SFMBT1: variants seen among roughly 807,000 people sequenced by gnomAD.
SFMBT1 encodes the protein scm-like with four MBT domains protein 1.
In SFMBT1, 32 loss-of-function variants were observed where a neutral mutation model predicts 108.7. That is an observed-to-expected ratio of 0.29 (90% CI 0.22 to 0.40). SFMBT1 has a LOEUF of 0.40. Among genes scored for constraint, SFMBT1 ranks in the 10% least tolerant of loss-of-function variants. The pLI is 1.00. For synonymous variants in SFMBT1, 348 were observed against 369.5 expected (o/e 0.94, Z 0.67); for missense variants, 816 against 1,059.6 (o/e 0.77, Z 3.19).
At chr3:52,976,683 G>GA (rs1360619582) in intron 1 of SFMBT1, among the ~76,000 whole-genome samples, 1 of 151,604 alleles carries the variant, frequency 6.6e-6, no homozygotes, top group Non-Finnish European at 1.5e-5. Context: ...ACAAGCTACA[G>GA]AAAAAAAACT....
chr3:52,922,259 C>G (rs560541833), intron 10 of SFMBT1, among the ~76,000 whole-genome samples: 3 of 152,248 alleles, frequency 2.0e-5, no homozygotes, highest in Middle Eastern at 3.4e-3. Context: ...CCTATCATAC[C>G]ACAAACTGCC....
intron 6 of SFMBT1, 123 bp from the exon 7 acceptor site, chr3:52,931,158 C>T: frequency 1.3e-6 from 1 of 762,432 alleles, no homozygotes; most frequent in African/African-American, 1.7e-5. Context: ...GGGTTCAAGC[C>T]CACTTATATC....
intron 1 of SFMBT1, among the ~76,000 whole-genome samples, chr3:53,012,001 G>A (rs559262697): frequency 4.6e-5 from 7 of 152,166 alleles, no homozygotes; most frequent in Non-Finnish European, 1.0e-4. Context: ...AAAAAGAGAG[G>A]TAGGAACTAA....
intron 1 of SFMBT1, among the ~76,000 whole-genome samples, chr3:53,022,939 A>G (rs188937860): frequency 6.6e-6 from 1 of 152,336 alleles, no homozygotes; most frequent in African/African-American, 2.4e-5. Flanking sequence ...TAATACCACT[A>G]AACTATACAC....
At position 52,943,259 on chromosome 3, in the gene SFMBT1, T is replaced by C; in HGVS notation, c.364+94A>G. The stretch of plus-strand genomic sequence containing the variant: ...AACCTAGAAAAGCTGGGTAAACCTA[T>C]ATGCTCGAGAGACTTAAAACCTCAA... On this transcript the variant is annotated intron_variant, in intron 4 of 20. Coordinates refer to ENST00000394752, the MANE Select transcript of SFMBT1 (RefSeq NM_016329.4). 2.0e-6 allele frequency: 3 copies of C among 1,487,384 alleles called. No homozygotes were observed. In the East Asian group the frequency reaches 6.8e-5, roughly 34 times the overall value. The allele number at this position is 1,487,384 out of a possible 1,614,324, so 92.1% of individuals were successfully genotyped here. A position where few individuals can be genotyped will look rare whatever the true frequency, so the allele number is the denominator to read the frequency against.
intron 11 of SFMBT1, 51 bp from the exon 12 acceptor site, chr3:52,920,701 A>G (rs1297849059): frequency 8.9e-7 from 1 of 1,127,038 alleles, no homozygotes; most frequent in Admixed American, 2.1e-5. Flanking sequence ...CTTTTTTTAG[A>G]CCATTAAATA....
intron 1 of SFMBT1, among the ~76,000 whole-genome samples, chr3:53,006,093 A>C (rs1698729608): frequency 1.3e-5 from 2 of 152,206 alleles, no homozygotes; most frequent in African/African-American, 4.8e-5. Flanking sequence ...CCATTGGCGG[A>C]AGCATAGTGA....
At chr3:52,914,288 A>T (rs909814697) in intron 14 of SFMBT1, among the ~76,000 whole-genome samples, 1 of 152,234 alleles carries the variant, frequency 6.6e-6, no homozygotes, top group Non-Finnish European at 1.5e-5. Context: ...TGAATGTAAA[A>T]AATTCAAAGA....
chr3:52,935,258 T>C (rs1702972360), intron 4 of SFMBT1, among the ~76,000 whole-genome samples: 2 of 152,224 alleles, frequency 1.3e-5, no homozygotes, highest in Non-Finnish European at 2.9e-5. Context: ...TCAACAACTG[T>C]CACCTCATGG....
At position 52,920,543 on chromosome 3, in the gene SFMBT1, C is replaced by T; in HGVS notation, c.1366G>A (p.Ala456Thr). 1 of 1,611,242 alleles carries T rather than the reference C, an allele frequency of 6.2e-7. No individual in the cohort carries two copies. Among genetic ancestry groups the T allele is most frequent in the South Asian group, 1.1e-5 (1 of 90,956 alleles). Residue 456 changes from alanine to threonine, a missense_variant, in exon 12 of 21, where the codon GCA becomes ACA. Around this residue, in one of 5 missense-constraint regions of SFMBT1, gnomAD observed 495 missense variants for 607.4 expected, o/e 0.81. Transcript: ENST00000394752. ...NGHPLSTPRR[A>T]RVYKQRKIAV... is the part of the protein sequence containing the mutation. ...CCCAGAAATAGACAGATACCTCGTG[C>T]TCGGCGAGGAGTGCTGAGGGGGTGG...
At chr3:53,032,836 T>C (rs1046616649) in intron 1 of SFMBT1, among the ~76,000 whole-genome samples, 11 of 152,160 alleles carry the variant, frequency 7.2e-5, no homozygotes, top group Non-Finnish European at 1.5e-4. Context: ...TGGAATGCTG[T>C]GAGTGCCCAG....
intron 1 of SFMBT1, among the ~76,000 whole-genome samples, chr3:52,972,476 C>A (rs1485568738): frequency 1.3e-5 from 2 of 152,152 alleles, no homozygotes; most frequent in Non-Finnish European, 2.9e-5. Flanking sequence ...GGTAAACTAT[C>A]CAGGCGCTTA....
intron 1 of SFMBT1, among the ~76,000 whole-genome samples, chr3:52,975,900 C>T (rs558917117): frequency 2.3e-4 from 35 of 151,832 alleles, no homozygotes; most frequent in South Asian, 4.2e-4. Flanking sequence ...TGAGCCACAA[C>T]GCAACCAGCC....
At chr3:52,970,757 T>G (rs984691256) in intron 1 of SFMBT1, among the ~76,000 whole-genome samples, 1 of 152,188 alleles carries the variant, frequency 6.6e-6, no homozygotes, top group Admixed American at 6.5e-5. Context: ...ACTTTAATCA[T>G]GAAGAAAAAG....
chr3:52,943,580 A>G lies in SFMBT1; in HGVS notation c.137T>C (p.Leu46Ser). The change falls in exon 4 of 21, where the codon TTG becomes TCG. Residue 46 changes from leucine (L) to serine (S), a missense_variant. Physicochemically the swap from Leu to Ser is moderately radical, Grantham distance 145. Around this residue, in one of 5 missense-constraint regions of SFMBT1, gnomAD observed 495 missense variants for 607.4 expected, o/e 0.81. Transcript: ENST00000394752. ...YGSFKHVDTR[L>S]QNGFAPGMKL... ...CATCCCAGGAGCAAATCCATTTTGC[A>G]AACGTGTGTCCACCTTAACAGGGAA... 1 of 1,614,290 alleles carries G rather than the reference A, an allele frequency of 6.2e-7. No homozygotes were observed.
chr3:52,956,954 A>C (rs759670245), intron 2 of SFMBT1, among the ~76,000 whole-genome samples: 3 of 152,124 alleles, frequency 2.0e-5, no homozygotes, highest in Non-Finnish European at 4.4e-5. Flanking sequence ...TATTAAACAT[A>C]GTATTGGAAG....
chr3:53,004,554 G>A (rs1698674773), intron 1 of SFMBT1, among the ~76,000 whole-genome samples: 1 of 150,022 alleles, frequency 6.7e-6, no homozygotes, highest in South Asian at 2.1e-4. Context: ...TTACAGGTGT[G>A]AGCCACCACG....
intron 12 of SFMBT1, among the ~76,000 whole-genome samples, chr3:52,918,856 C>T (rs990211736): frequency 2.6e-5 from 4 of 152,140 alleles, no homozygotes; most frequent in South Asian, 4.2e-4. Flanking sequence ...TGGTCCCCAA[C>T]CTTTTTGGCA....
At chr3:52,952,606 A>G (rs72961730) in intron 3 of SFMBT1, among the ~76,000 whole-genome samples, 4,620 of 152,230 alleles carry the variant, frequency 0.03, 271 homozygotes, top group African/African-American at 0.1. Context: ...GCCCCAGGGG[A>G]TTCAGAATCT....
Sources: gnomAD v4.1 joint callset for allele counts (sites outside exome capture counted in the v4.1 genomes callset) on GRCh38, gnomAD v4.1.1 for gene constraint, gnomAD v4.1.1 regional missense constraint, MANE v1.5 for transcripts, NCBI Gene and HGNC (gene_info 2026-07-23, HGNC 2026-07-21) for gene names.